The following RFX8 variants were observed in gnomAD, a reference collection of about 807,000 sequenced individuals.
The protein encoded by RFX8 is DNA-binding protein RFX8.
RFX8 carries 46 observed loss-of-function variants against 54.6 expected under a neutral mutation model. The ratio of observed to expected loss-of-function variants is 0.84; its 90% CI spans 0.67 to 1.08. RFX8 has a LOEUF of 1.08. RFX8 is among the 50% of genes least tolerant of loss of function. The pLI, the probability that RFX8 is intolerant of heterozygous loss-of-function variation, is 0.00. For missense variants in RFX8, 536 were observed against 562.3 expected (o/e 0.95, Z 0.47); for synonymous variants, 192 against 209.5 (o/e 0.92, Z 0.72).
chr2:101,458,510 T>C (rs1038166603), intron 2 of RFX8, among the ~76,000 whole-genome samples: 3 of 152,236 alleles, frequency 2.0e-5, no homozygotes, highest in Non-Finnish European at 2.9e-5. Context: ...TTGAAAATTC[T>C]TTCCTTTAAG....
intron 2 of RFX8, among the ~76,000 whole-genome samples, chr2:101,431,213 C>G (rs1687467097): frequency 6.6e-6 from 1 of 152,180 alleles, no homozygotes; most frequent in South Asian, 2.1e-4. Context: ...TTGTGCCAGG[C>G]CTTGGTGGAT....
At chr2:101,416,786 C>T (rs543205699) in intron 6 of RFX8, among the ~76,000 whole-genome samples, 2 of 152,256 alleles carry the variant, frequency 1.3e-5, no homozygotes, top group African/African-American at 4.8e-5. Flanking sequence ...TTATAGGGAA[C>T]TGGACCAGCT....
chr2:101,417,470 T>C, intron 6 of RFX8, 64 bp downstream of exon 6: 2 of 1,457,690 alleles, frequency 1.4e-6, no homozygotes, highest in Non-Finnish European at 1.8e-6. Context: ...CCTTCCAAAG[T>C]GCTGGGATTA....
At chr2:101,415,808 G>A (rs924492111) in intron 6 of RFX8, among the ~76,000 whole-genome samples, 2 of 152,234 alleles carry the variant, frequency 1.3e-5, no homozygotes. Flanking sequence ...GCTCCCATGC[G>A]ATGTGCGAGC....
intron 1 of RFX8, among the ~76,000 whole-genome samples, chr2:101,469,894 G>A (rs1014587965): frequency 2.0e-5 from 3 of 152,156 alleles, no homozygotes; most frequent in Non-Finnish European, 2.9e-5. Flanking sequence ...GGCTGCCTTC[G>A]GATGTGAGCC....
intron 2 of RFX8, among the ~76,000 whole-genome samples, chr2:101,459,571 T>G (rs1451127313): frequency 1.3e-5 from 2 of 152,198 alleles, no homozygotes; most frequent in Non-Finnish European, 1.5e-5. Flanking sequence ...TATCACAGAA[T>G]AGCAAATATT....
In RFX8 at chr2:101,467,751, A is replaced by G. The variant is rs1689657779; in HGVS notation, c.-52-851T>C. On this transcript the variant is annotated intron_variant, in intron 1 of 11. Transcript: ENST00000428343. ...GGCCCCTGGGGACAGCCAGGCGCCT[A>G]TTCCAGCAGCAGTATGTGAGCGTGG... Among the ~76,000 whole-genome samples the G allele has an allele frequency of 2.0e-5, 3 of 152,202 alleles. No individual in the cohort carries two copies. The South Asian group carries it at 6.2e-4, about 32-fold the overall frequency.
chr2:101,413,028 A>G lies in RFX8; in HGVS notation c.605T>C (p.Leu202Ser). 1.9e-6 allele frequency: 3 copies of G among 1,552,186 alleles called. No homozygotes were observed. Among genetic ancestry groups the G allele is most frequent in the Non-Finnish European group, 2.6e-6 (3 of 1,147,082 alleles). ...GATGATGGCCTGTAGATCTGACTTCAAAACGCTGACACGCCTCTTACTTTT... is the reference window on the plus strand; with the variant it reads ...GATGATGGCCTGTAGATCTGACTTCGAAACGCTGACACGCCTCTTACTTTT... ...VLKSKRRVSV[L>S]KSDLQAIINQ... Residue 202 changes from leucine (L) to serine (S), a missense_variant, in exon 8 of 12, where the codon TTG becomes TCG. Physicochemically the swap from Leu to Ser is moderately radical, Grantham distance 145. Coordinates refer to ENST00000428343, the MANE Select transcript of RFX8 (RefSeq NM_001145664.2).
rs1690229968 is a variant in RFX8 at position 101,474,857 on chromosome 2, GC to G, written c.-275del. Among the ~76,000 whole-genome samples, 1 of 143,486 alleles carries G rather than the reference GC, an allele frequency of 7.0e-6. No homozygotes were observed. Among genetic ancestry groups the G allele is most frequent in the Non-Finnish European group, 1.5e-5 (1 of 65,952 alleles). 94.1% of individuals were successfully genotyped at this position (143,486 alleles called of 152,430 possible). On this transcript the variant is annotated 5_prime_UTR_variant, in exon 1 of 12. An upstream open reading frame in the 5' UTR gains an earlier in-frame stop. Coordinates refer to ENST00000428343, the MANE Select transcript of RFX8 (RefSeq NM_001145664.2). ...GGTCCCGGGTGATGCTAATGTGCCC[GC>G]CGTTGCTGAAAACCACTGTCTCTAG... is the stretch of plus-strand genomic sequence containing the variant.
intron 9 of RFX8, among the ~76,000 whole-genome samples, chr2:101,407,451 A>C (rs1243605270): frequency 6.6e-6 from 1 of 152,128 alleles, no homozygotes; most frequent in African/African-American, 2.4e-5. Flanking sequence ...CAGCACTTTG[A>C]GAGGCAGACG....
Position 101,425,935 on chromosome 2 carries a change from G to C in RFX8, c.73-3463C>G, listed in dbSNP as rs1328052156. ...GAGGATGGAGAGAAGTTGATCAATGGGTACAAACAGACAGAAGAAATGAGA... is the reference window on the plus strand; with the variant it reads ...GAGGATGGAGAGAAGTTGATCAATGCGTACAAACAGACAGAAGAAATGAGA... On this transcript the variant is annotated intron_variant, in intron 2 of 11. Transcript: ENST00000428343. Among the ~76,000 whole-genome samples the C allele has an allele frequency of 2.6e-5, 4 of 151,932 alleles. No individual in the cohort carries two copies. In the East Asian group the frequency reaches 7.7e-4, roughly 29 times the overall value.
intron 2 of RFX8, among the ~76,000 whole-genome samples, chr2:101,450,127 G>C (rs975799357): frequency 2.6e-5 from 4 of 152,318 alleles, no homozygotes; most frequent in East Asian, 3.9e-4. Context: ...GATGTGATAT[G>C]TGTGTTTCCT....
chr2:101,417,552 G>A lies in RFX8; in HGVS notation c.484C>T (p.Gln162Ter). ...AACCTACCTTTGAGTTTGGAGATCT[G>A]CAAGAGGGCTGGAACACCTTCCAAA... The part of the protein sequence containing the change: ...NALEGVPALL[Q>*]ISKLKEVTLF... The change falls in exon 6 of 12, where the codon CAG (glutamine) becomes TAG (stop). Residue 162 changes from glutamine to a stop codon, truncating the protein, a stop_gained. Coordinates refer to ENST00000428343, the MANE Select transcript of RFX8 (RefSeq NM_001145664.2). LOFTEE classifies it high-confidence loss of function. 2 of 1,548,912 alleles carry A rather than the reference G, an allele frequency of 1.3e-6. No homozygotes were observed. Among genetic ancestry groups the A allele is most frequent in the Non-Finnish European group, 1.7e-6 (2 of 1,146,006 alleles).
chr2:101,403,977 C>T (rs908062098), intron 10 of RFX8, among the ~76,000 whole-genome samples: 1 of 152,138 alleles, frequency 6.6e-6, no homozygotes, highest in Non-Finnish European at 1.5e-5. Context: ...GATCTGTCCT[C>T]AGGGTAGTAT....
chr2:101,397,547 C>G lies in RFX8; in HGVS notation c.*1G>C. 1 of 1,522,070 alleles carries G rather than the reference C, an allele frequency of 6.6e-7. No individual in the cohort carries two copies. Among genetic ancestry groups the G allele is most frequent in the Non-Finnish European group, 8.9e-7 (1 of 1,129,694 alleles). The allele number at this position is 1,522,070 out of a possible 1,614,324, so 94.3% of individuals were successfully genotyped here. A position where few individuals can be genotyped will look rare whatever the true frequency, so the allele number is the denominator to read the frequency against. ...CTTATTCTCTATTCAAATAAATAAT[C>G]TCACACATTAGCATTGTTTTCTCTG... is the stretch of plus-strand genomic sequence containing the variant. On this transcript the variant is annotated 3_prime_UTR_variant, in exon 12 of 12. Coordinates refer to ENST00000428343, the MANE Select transcript of RFX8 (RefSeq NM_001145664.2).
At chr2:101,437,387 ACAC>A (rs1687837865) in intron 2 of RFX8, among the ~76,000 whole-genome samples, 1 of 152,158 alleles carries the variant, frequency 6.6e-6, no homozygotes, top group South Asian at 2.1e-4. Flanking sequence ...AGTGTGGACA[ACAC>A]AACAAGACCC....
At chr2:101,417,821 T>C (rs1392192723) in intron 5 of RFX8, 137 bp from the exon 6 acceptor site, 3 of 554,172 alleles carry the variant, frequency 5.4e-6, no homozygotes, top group African/African-American at 2.0e-5. Context: ...GGCAGCACCA[T>C]GCAACGTGGC....
At position 101,406,001 on chromosome 2, in the gene RFX8, C is replaced by T; in HGVS notation, c.870G>A (p.Trp290Ter). 2 of 1,549,442 alleles carry T rather than the reference C, an allele frequency of 1.3e-6. No homozygotes were observed. The highest frequency in any genetic ancestry group is 1.4e-5 in the African/African-American group (1 of 73,062). ...TGCTTACAGCAGTGAGAAGAAGATTCCATCTCAGCTGGAAGCTGGCGGCCA... is the reference window on the plus strand; with the variant it reads ...TGCTTACAGCAGTGAGAAGAAGATTTCATCTCAGCTGGAAGCTGGCGGCCA... ...TKLAASFQLRWNLLLTAVSKA... is the reference protein window; with the variant it reads ...TKLAASFQLR Residue 290 changes from tryptophan (W) to a stop codon, truncating the protein, a stop_gained, in exon 10 of 12, where the codon TGG (tryptophan) becomes TGA (stop). Transcript: ENST00000428343. LOFTEE classifies it high-confidence loss of function.
intron 2 of RFX8, chr2:101,450,621 T>C (rs7585228): frequency 0.81 from 1,224,157 of 1,506,512 alleles, 503,042 homozygotes; most frequent in Middle Eastern, 0.88. Flanking sequence ...ACCTATCAGG[T>C]AGCAATACTG....
Sources: allele counts gnomAD v4.1 joint callset (sites outside exome capture counted in the v4.1 genomes callset), GRCh38; gene constraint gnomAD v4.1.1; transcripts MANE v1.5; gene names NCBI Gene and HGNC (gene_info 2026-07-23, HGNC 2026-07-21).